The following HDHD5 variants were observed in gnomAD, a reference collection of about 807,000 sequenced individuals.
The protein encoded by HDHD5 is haloacid dehalogenase like hydrolase domain containing 5.
In HDHD5, 34 loss-of-function variants were observed where a neutral mutation model predicts 35.5. The ratio of observed to expected loss-of-function variants is 0.96; its 90% CI spans 0.73 to 1.28. The LOEUF is 1.28. Ranked by LOEUF, HDHD5 falls within the 50% of genes most tolerant of loss-of-function variation. The pLI is 0.00. For missense variants in HDHD5, 589 were observed against 560.2 expected (o/e 1.05, Z -0.52); for synonymous variants, 248 against 240.6 (o/e 1.03, Z -0.29).
chr22:17,155,673 G>A (rs2061781428), intron 1 of HDHD5, among the ~76,000 whole-genome samples: 1 of 152,004 alleles, frequency 6.6e-6, no homozygotes, highest in Admixed American at 6.6e-5. Flanking sequence ...CAACCTTCAG[G>A]ATGTACACAG....
chr22:17,157,257 C>G (rs1283334514), intron 1 of HDHD5, among the ~76,000 whole-genome samples: 1 of 149,640 alleles, frequency 6.7e-6, no homozygotes, highest in South Asian at 2.2e-4. Context: ...GAAAGTTAAA[C>G]TAAGGTTAAT....
In HDHD5 at chr22:17,159,207, C is replaced by A; in HGVS notation, c.45G>T (p.Gly15=). Residue 15 remains glycine (G), a synonymous_variant, in exon 1 of 8, where the codon GGG becomes GGT. Transcript: ENST00000336737. The stretch of plus-strand genomic sequence containing the variant: ...CCGCGCGCGCCGCCCGCCAGCAAAG[C>A]CCACGCGCCGCGCCGAGCGCAGCCA... ...GCVAALGAAR[G]LCWRAARAAA... 1 of 1,213,882 alleles carries A rather than the reference C, an allele frequency of 8.2e-7. No homozygotes were observed. The allele number at this position is 1,213,882 out of a possible 1,614,324, so 75.2% of individuals were successfully genotyped here.
intron 1 of HDHD5, among the ~76,000 whole-genome samples, chr22:17,150,900 C>T (rs1457043948): frequency 6.6e-6 from 1 of 152,192 alleles, no homozygotes; most frequent in East Asian, 1.9e-4. Flanking sequence ...GAATAATTCA[C>T]TAATATTGTT....
At position 17,145,182 on chromosome 22, in the gene HDHD5, A is replaced by C. The variant is rs2061647812; in HGVS notation, c.444-65T>G. 6 of 1,600,232 alleles carry C rather than the reference A, an allele frequency of 3.7e-6. No individual in the cohort carries two copies. In the South Asian group the frequency reaches 4.5e-5, roughly 12 times the overall value. On this transcript the variant is annotated intron_variant, in intron 3 of 7. Coordinates refer to ENST00000336737, the MANE Select transcript of HDHD5 (RefSeq NM_033070.3). ...GGAAGATGCCTTTCTGAATGCATCA[A>C]ATCACAAGTGAAGGGAACACAACCC...
In HDHD5 at chr22:17,138,545, C is replaced by G; in HGVS notation, c.935+5G>C. 1 of 1,613,292 alleles carries G rather than the reference C, an allele frequency of 6.2e-7. No individual in the cohort carries two copies. Among genetic ancestry groups the G allele is most frequent in the Admixed American group, 1.7e-5 (1 of 59,954 alleles). ...AAGGGACAAAGGAGGGAGAGCAGAGCCTACCCCACAGCATAGAGCTTCCGG... is the reference window on the plus strand; with the variant it reads ...AAGGGACAAAGGAGGGAGAGCAGAGGCTACCCCACAGCATAGAGCTTCCGG... On this transcript the variant is annotated splice_donor_5th_base_variant and intron_variant, in intron 7 of 7. Transcript: ENST00000336737.
intron 1 of HDHD5, among the ~76,000 whole-genome samples, chr22:17,157,175 G>A (rs1397381312): frequency 6.6e-6 from 1 of 151,554 alleles, no homozygotes; most frequent in Non-Finnish European, 1.5e-5. Context: ...GCTGTACAAT[G>A]TGTTGTGTTT....
In HDHD5 at chr22:17,142,707, C is replaced by A. The variant is rs185952919; in HGVS notation, c.571+391G>T. 174 of 176,566 alleles carry A rather than the reference C, an allele frequency of 9.9e-4. 1 individual carries two copies. Among genetic ancestry groups the A allele is most frequent in the Middle Eastern group, 4.6e-3 (2 of 436 alleles). The allele number at this position is 176,566 out of a possible 1,614,324, so 10.9% of individuals were successfully genotyped here. On this transcript the variant is annotated intron_variant, in intron 5 of 7. Transcript: ENST00000336737. ...ATTACAGTTAGGGCTTTATACTGAACTAATTTTTAATATGTGTGTACAGAA... is the reference window on the plus strand; with the variant it reads ...ATTACAGTTAGGGCTTTATACTGAAATAATTTTTAATATGTGTGTACAGAA...
At chr22:17,162,383 T>A (rs2061868889), upstream of HDHD5, among the ~76,000 whole-genome samples, 2 of 152,250 alleles carry the variant, frequency 1.3e-5, no homozygotes, top group Admixed American at 1.3e-4. Context: ...TGATCAGGAC[T>A]GTGTCATACT....
upstream of HDHD5, among the ~76,000 whole-genome samples, chr22:17,161,781 G>A (rs1241573230): frequency 1.3e-5 from 2 of 151,754 alleles, no homozygotes; most frequent in Non-Finnish European, 2.9e-5. Flanking sequence ...AGGAGGCTAA[G>A]GTGGGAGGAT....
Position 17,137,667 on chromosome 22 carries a change from CT to C in HDHD5, c.*353del. 8.7e-6 allele frequency: 2 copies of C among 229,466 alleles called. No homozygotes were observed. Among genetic ancestry groups the C allele is most frequent in the Admixed American group, 5.2e-5 (1 of 19,240 alleles). The allele number at this position is 229,466 out of a possible 1,614,324, so 14.2% of individuals were successfully genotyped here. On this transcript the variant is annotated 3_prime_UTR_variant, in exon 8 of 8. Transcript: ENST00000336737. ...CATGCCTTCAGTGCCGGCAAAGGCT[CT>C]GCACAGACATCCACAGTATTCCACA...
At chr22:17,148,582 G>A (rs549089649) in intron 2 of HDHD5, 22 bp from the exon 3 acceptor site, 54 of 1,559,172 alleles carry the variant, frequency 3.5e-5, no homozygotes, top group Non-Finnish European at 4.5e-5. Flanking sequence ...GCCAAGACAG[G>A]GGAGGGCAGA....
At chr22:17,138,506 AGG>A in intron 7 of HDHD5, 42 bp downstream of exon 7, 1 of 1,590,074 alleles carries the variant, frequency 6.3e-7, no homozygotes, top group Non-Finnish European at 8.6e-7. Flanking sequence ...GAGGGAGAGA[AGG>A]GGATGTCATA....
At chr22:17,159,329 G>T, upstream of HDHD5, 1 of 1,203,360 alleles carries the variant, frequency 8.3e-7, no homozygotes, top group Non-Finnish European at 1.0e-6. Flanking sequence ...GCCAATCAGC[G>T]GTCGGCGCGC....
upstream of HDHD5, chr22:17,159,290 C>CAT (rs2061842387): frequency 3.2e-6 from 4 of 1,235,586 alleles, 1 homozygote; most frequent in East Asian, 2.1e-4. Context: ...CGTGCGGCCC[C>CAT]CCCCCCCCGC....
intron 3 of HDHD5, among the ~76,000 whole-genome samples, chr22:17,147,936 C>A (rs529500320): frequency 6.6e-6 from 1 of 152,332 alleles, no homozygotes; most frequent in African/African-American, 2.4e-5. Context: ...TCAGAGTGTG[C>A]GGCAGACCGC....
At chr22:17,148,162 GT>G (rs769385013) in intron 3 of HDHD5, among the ~76,000 whole-genome samples, 53 of 152,184 alleles carry the variant, frequency 3.5e-4, no homozygotes, top group Admixed American at 5.2e-4. Context: ...AGATTCCTGA[GT>G]TTTACCCGAG....
chr22:17,146,061 C>T (rs775926645), intron 3 of HDHD5, among the ~76,000 whole-genome samples: 3 of 152,092 alleles, frequency 2.0e-5, no homozygotes, highest in Non-Finnish European at 4.4e-5. Context: ...AGCAATAAAG[C>T]GTGCCCTGCT....
In HDHD5 at chr22:17,145,073, G is replaced by A. The variant is rs1360505275; in HGVS notation, c.488C>T (p.Ala163Val). The A allele has an allele frequency of 1.2e-6, 2 of 1,613,972 alleles. No homozygotes were observed. Among genetic ancestry groups the A allele is most frequent in the Non-Finnish European group, 1.7e-6 (2 of 1,180,014 alleles). The change falls in exon 4 of 8, where the codon GCC (alanine) becomes GTC (valine). Residue 163 changes from alanine to valine, a missense_variant. Physicochemically the swap from Ala to Val is moderately conservative, Grantham distance 64. Transcript: ENST00000336737. ...NVVTVDELRM[A>V]FPLLDMVDLE... ...GTCCACCATGTCAAGCAGAGGAAAG[G>A]CCATCCGCAGCTCATCCACGGTGAC... is the stretch of plus-strand genomic sequence containing the variant.
At chr22:17,160,189 C>T (rs5748917), upstream of HDHD5, among the ~76,000 whole-genome samples, 63,597 of 151,888 alleles carry the variant, frequency 0.42, 13,962 homozygotes, top group East Asian at 0.77. Context: ...GAGAGGGAGT[C>T]GAGGATATGG....
Sources: gnomAD v4.1 joint callset for allele counts (sites outside exome capture counted in the v4.1 genomes callset) on GRCh38, gnomAD v4.1.1 for gene constraint, MANE v1.5 for transcripts, NCBI Gene and HGNC (gene_info 2026-07-23, HGNC 2026-07-21) for gene names.